TRIM2: variants seen among roughly 807,000 people sequenced by gnomAD.
TRIM2 encodes tripartite motif-containing protein 2.
Under a neutral mutation model 75.2 loss-of-function variants are expected in TRIM2, and 20 were observed. That is an observed-to-expected ratio of 0.27 (90% CI 0.19 to 0.39). The LOEUF (loss-of-function observed/expected upper bound fraction) is 0.39, where lower values mean the gene tolerates loss of function less well. Among genes scored for constraint, TRIM2 ranks in the 10% least tolerant of loss-of-function variants. The pLI is 1.00. For synonymous variants in TRIM2, 373 were observed against 388.3 expected, an observed-to-expected ratio of 0.96 and a Z score of 0.46; for missense variants, 660 against 990.8, an observed-to-expected ratio of 0.67 and a Z score of 4.48.
chr4:153,324,039 G>T, intron 9 of TRIM2, 39 bp from the exon 10 acceptor site: 1 of 1,522,708 alleles, frequency 6.6e-7, no homozygotes, highest in Non-Finnish European at 9.1e-7. Context: ...AATCACTTTT[G>T]TTGTAGTCAT....
intron 1 of TRIM2, among the ~76,000 whole-genome samples, chr4:153,196,738 G>A (rs1733820667): frequency 6.6e-6 from 1 of 152,224 alleles, no homozygotes; most frequent in Non-Finnish European, 1.5e-5. Context: ...GGGTGATGGT[G>A]TGAGAAAGTC....
intron 3 of TRIM2, among the ~76,000 whole-genome samples, chr4:153,280,976 G>A (rs370500391): frequency 7.8e-4 from 118 of 152,106 alleles, no homozygotes; most frequent in African/African-American, 2.6e-3. Context: ...GAGCCACCGC[G>A]CCCAGCCTGC....
rs111310423 is a variant in TRIM2, at chr4:153,337,053, G to T, written c.*2087G>T. On this transcript the variant is annotated 3_prime_UTR_variant, in exon 12 of 12. Transcript: ENST00000338700. The stretch of plus-strand genomic sequence containing the variant: ...TGATGGACAAAACAGGTAAAAAATC[G>T]CTGCCCCCTCAGAGCTGACATTCTG... 2.2e-5 allele frequency: 22 copies of T among 984,610 alleles called. No homozygotes were observed. The African/African-American group carries it at 3.3e-4, about 15-fold the overall frequency. 61.0% of individuals were successfully genotyped at this position (984,610 alleles called of 1,614,324 possible).
chr4:153,244,429 C>CTTCT lies in TRIM2; in HGVS notation c.31-25904_31-25901dup. The stretch of plus-strand genomic sequence containing the variant: ...TCTTCTTCTTCTTCTTCTTCTTCTT[C>CTTCT]TTCTTCTTTTAATTAGAGAGGAGGC... On this transcript the variant is annotated intron_variant, in intron 1 of 11. Coordinates refer to ENST00000338700, the MANE Select transcript of TRIM2 (RefSeq NM_015271.5). Among the ~76,000 whole-genome samples the CTTCT allele has an allele frequency of 2.1e-5, 2 of 96,034 alleles. 1 individual carries two copies. The highest frequency in any genetic ancestry group is 4.3e-5 in the Non-Finnish European group (2 of 46,828). 63.0% of individuals were successfully genotyped at this position (96,034 alleles called of 152,430 possible). A position where few individuals can be genotyped will look rare whatever the true frequency, so the allele number is the denominator to read the frequency against.
In TRIM2 at chr4:153,295,352, G is replaced by C; in HGVS notation, c.826G>C (p.Glu276Gln). The C allele has an allele frequency of 6.2e-7, 1 of 1,612,578 alleles. No individual in the cohort carries two copies. Among genetic ancestry groups the C allele is most frequent in the Non-Finnish European group, 8.5e-7 (1 of 1,179,208 alleles). The change falls in exon 6 of 12, where the codon GAG becomes CAG. Residue 276 changes from glutamate to glutamine, a missense_variant. Transcript: ENST00000338700. This position sits in a 1 kb window ranked among gnomAD's most constrained non-coding sequence, Gnocchi z 7.2. ...GCTGGATACTCTGCTCCAGGGGCAG[G>C]AGAGCATTAAGAGCTGCAGCAACTT... ...SQLDTLLQGQ[E>Q]SIKSCSNFTA... is the part of the protein sequence containing the mutation.
intron 1 of TRIM2, among the ~76,000 whole-genome samples, chr4:153,226,938 G>A (rs1465484379): frequency 6.6e-6 from 1 of 152,162 alleles, no homozygotes; most frequent in Non-Finnish European, 1.5e-5. Context: ...TATGTTCTGA[G>A]CCCCCTGCTT....
chr4:153,317,580 G>A (rs1767955746), intron 8 of TRIM2, among the ~76,000 whole-genome samples: 1 of 151,782 alleles, frequency 6.6e-6, no homozygotes, highest in Non-Finnish European at 1.5e-5. Flanking sequence ...ACCCCGGGAG[G>A]CGGAGCTTGC....
At chr4:153,153,732 C>G (rs1282750459) in intron 1 of TRIM2, among the ~76,000 whole-genome samples, 3 of 152,194 alleles carry the variant, frequency 2.0e-5, no homozygotes, top group Admixed American at 2.0e-4. Context: ...CCTGCAGGGA[C>G]ACGGGCGTGG....
chr4:153,214,295 C>G (rs1240827273), intron 1 of TRIM2, among the ~76,000 whole-genome samples: 1 of 152,180 alleles, frequency 6.6e-6, no homozygotes, highest in African/African-American at 2.4e-5. Context: ...CTCTAAGTCC[C>G]TGGGCAGTAA....
chr4:153,323,657 T>A (rs1208534112), intron 9 of TRIM2, among the ~76,000 whole-genome samples: 1 of 152,086 alleles, frequency 6.6e-6, no homozygotes, highest in Non-Finnish European at 1.5e-5. Context: ...AATCAATTTT[T>A]AAAAATTACA....
rs532301834 is a variant in TRIM2, at chr4:153,257,696, A to G, written c.31-12639A>G. The stretch of plus-strand genomic sequence containing the variant: ...GCGTTGTTCTTTTGGATTGCCGCGT[A>G]GCTGCAGCGACAGACTTGGGAGGAT... On this transcript the variant is annotated intron_variant, in intron 1 of 11. Coordinates refer to ENST00000338700, the MANE Select transcript of TRIM2 (RefSeq NM_015271.5). 1.2e-4 allele frequency: 102 copies of G among 875,738 alleles called. 1 individual carries two copies. Among genetic ancestry groups the G allele is most frequent in the South Asian group, 1.0e-3 (74 of 72,410 alleles). The allele number at this position is 875,738 out of a possible 1,614,324, so 54.2% of individuals were successfully genotyped here.
intron 6 of TRIM2, among the ~76,000 whole-genome samples, chr4:153,313,342 A>G (rs1766776689): frequency 6.6e-6 from 1 of 152,194 alleles, no homozygotes; most frequent in South Asian, 2.1e-4. Flanking sequence ...ATGCAGAGTT[A>G]GTGAGTAAAC....
chr4:153,158,631 A>G (rs1188501892), intron 1 of TRIM2, among the ~76,000 whole-genome samples: 1 of 152,206 alleles, frequency 6.6e-6, no homozygotes, highest in Non-Finnish European at 1.5e-5. Flanking sequence ...ACAGATAAAA[A>G]ATAAAACAAA....
At chr4:153,319,231 A>G (rs534124570) in intron 8 of TRIM2, among the ~76,000 whole-genome samples, 47 of 152,104 alleles carry the variant, frequency 3.1e-4, no homozygotes, top group Non-Finnish European at 5.6e-4. Context: ...CCTAATTTTT[A>G]TTTCTCTCTG....
intron 1 of TRIM2, among the ~76,000 whole-genome samples, chr4:153,186,081 G>A (rs1040092992): frequency 2.0e-5 from 3 of 152,174 alleles, no homozygotes; most frequent in African/African-American, 7.2e-5. Flanking sequence ...CTGGTATCGA[G>A]TGGGTAGAGG....
intron 1 of TRIM2, among the ~76,000 whole-genome samples, chr4:153,235,812 C>A (rs1006652284): frequency 6.6e-6 from 1 of 152,092 alleles, no homozygotes; most frequent in Non-Finnish European, 1.5e-5. Flanking sequence ...TTCCTTTGAC[C>A]AAGCCCTACT....
intron 3 of TRIM2, among the ~76,000 whole-genome samples, chr4:153,277,268 T>C (rs1758239954): frequency 6.6e-6 from 1 of 152,226 alleles, no homozygotes; most frequent in Non-Finnish European, 1.5e-5. Flanking sequence ...GCTTATTCTC[T>C]TCCTTGAAGT....
intron 1 of TRIM2, among the ~76,000 whole-genome samples, chr4:153,214,422 G>A (rs1390692356): frequency 6.6e-6 from 1 of 152,114 alleles, no homozygotes; most frequent in Non-Finnish European, 1.5e-5. Context: ...TTATTTAAGA[G>A]GAACTATCTA....
At chr4:153,328,078 T>G (rs565738000) in intron 10 of TRIM2, among the ~76,000 whole-genome samples, 1 of 152,326 alleles carries the variant, frequency 6.6e-6, no homozygotes, top group East Asian at 1.9e-4. Context: ...TAATAAATTC[T>G]GAGCATCTGG....
Sources: allele counts gnomAD v4.1 joint callset (sites outside exome capture counted in the v4.1 genomes callset), GRCh38; gene constraint gnomAD v4.1.1; non-coding constraint Gnocchi (gnomAD v3.1); transcripts MANE v1.5; gene names NCBI Gene and HGNC (gene_info 2026-07-23, HGNC 2026-07-21).